Variants in CNTNAP2 observed in about 807,000 individuals in gnomAD.
CNTNAP2 encodes contactin-associated protein-like 2.
In CNTNAP2, 98 loss-of-function variants were observed where a neutral mutation model predicts 155.2. The ratio of observed to expected loss-of-function variants is 0.63; its 90% confidence interval spans 0.54 to 0.75. CNTNAP2 has a LOEUF of 0.75. Among genes scored for constraint, CNTNAP2 ranks in the 30% least tolerant of loss-of-function variants. The pLI, the probability that CNTNAP2 is intolerant of heterozygous loss-of-function variation, is 0.00. For synonymous variants in CNTNAP2, 651 were observed against 631.2 expected (o/e 1.03, Z -0.47); for missense variants, 1,727 against 1,688.1 (o/e 1.02, Z -0.40).
chr7:148,326,312 C>A (rs1467927378), intron 21 of CNTNAP2, among the ~76,000 whole-genome samples: 1 of 152,168 alleles, frequency 6.6e-6, no homozygotes, highest in Non-Finnish European at 1.5e-5. Context: ...ATCTTAGAGT[C>A]TGGCCTCTCG....
rs369280917 is a variant in CNTNAP2 at position 146,833,717 on chromosome 7, T to C, written c.209-5994T>C. 1.2e-4 allele frequency among the ~76,000 whole-genome samples: 18 copies of C among 152,352 alleles called. No individual in the cohort carries two copies. In the East Asian group the frequency reaches 3.3e-3, roughly 28 times the overall value. On this transcript the variant is annotated intron_variant, in intron 2 of 23. Transcript: ENST00000361727. ...GTTTGCAACCTTAAAGCAAGCTTTC[T>C]GTAGCTGATACACACAGGGAACTTA...
intron 12 of CNTNAP2, among the ~76,000 whole-genome samples, chr7:147,588,601 G>T (rs553422724): frequency 1.1e-4 from 16 of 152,086 alleles, no homozygotes; most frequent in Middle Eastern, 3.4e-3. Context: ...TCTCTATATT[G>T]ATATAATAAT....
intron 3 of CNTNAP2, among the ~76,000 whole-genome samples, chr7:146,939,081 C>A (rs1796990189): frequency 6.6e-6 from 1 of 151,896 alleles, no homozygotes; most frequent in Admixed American, 6.6e-5. Context: ...TCACTGCCAA[C>A]CCAGGAAAAA....
chr7:147,253,631 A>G (rs149663340), intron 8 of CNTNAP2, among the ~76,000 whole-genome samples: 1 of 152,286 alleles, frequency 6.6e-6, no homozygotes, highest in African/African-American at 2.4e-5. Flanking sequence ...AACCGCTGTG[A>G]GCAAAACTGT....
intron 1 of CNTNAP2, among the ~76,000 whole-genome samples, chr7:146,759,130 A>C (rs1164646892): frequency 6.6e-6 from 1 of 152,152 alleles, no homozygotes; most frequent in Non-Finnish European, 1.5e-5. Context: ...TTTTATTTAG[A>C]AATTAAACAT....
At chr7:147,362,515 A>G (rs1330920149) in intron 9 of CNTNAP2, among the ~76,000 whole-genome samples, 1 of 152,234 alleles carries the variant, frequency 6.6e-6, no homozygotes, top group Non-Finnish European at 1.5e-5. Context: ...CACAGTAATC[A>G]TAAACATTCT....
At chr7:147,132,658 C>A in intron 8 of CNTNAP2, 149 bp downstream of exon 8, 1 of 1,106,706 alleles carries the variant, frequency 9.0e-7, no homozygotes, top group Non-Finnish European at 1.3e-6. Flanking sequence ...GTAGTGTGTG[C>A]TGATTGAATA....
chr7:148,207,929 C>CA (rs989994576), intron 18 of CNTNAP2, among the ~76,000 whole-genome samples: 30 of 150,992 alleles, frequency 2.0e-4, no homozygotes, highest in Non-Finnish European at 3.7e-4. Flanking sequence ...ACTAAAAATA[C>CA]AAAAAAAAAT....
At chr7:146,154,872 A>C (rs1341814191) in intron 1 of CNTNAP2, among the ~76,000 whole-genome samples, 1 of 152,192 alleles carries the variant, frequency 6.6e-6, no homozygotes, top group Non-Finnish European at 1.5e-5. Flanking sequence ...GCCAAAACAG[A>C]GAGTTTTATA....
At chr7:146,864,821 G>GCAAAA (rs1795169582) in intron 3 of CNTNAP2, among the ~76,000 whole-genome samples, 1 of 70,386 alleles carries the variant, frequency 1.4e-5, no homozygotes, top group Non-Finnish European at 2.6e-5. Flanking sequence ...ACCAAACAAA[G>GCAAAA]CAAAACAAAA....
At chr7:146,723,485 A>G (rs1801375045) in intron 1 of CNTNAP2, among the ~76,000 whole-genome samples, 1 of 152,212 alleles carries the variant, frequency 6.6e-6, no homozygotes, top group African/African-American at 2.4e-5. Flanking sequence ...TACTAAAATT[A>G]TACCTATCAC....
chr7:148,358,270 A>C (rs1037001936), intron 21 of CNTNAP2, among the ~76,000 whole-genome samples: 2 of 152,172 alleles, frequency 1.3e-5, no homozygotes, highest in Non-Finnish European at 2.9e-5. Flanking sequence ...TAGTCACTGA[A>C]GCAGAATGAG....
rs151179777 is a variant in CNTNAP2 at position 146,688,353 on chromosome 7, A to C, written c.98-85918A>C. Among the ~76,000 whole-genome samples, 714 of 152,252 alleles carry C rather than the reference A, an allele frequency of 4.7e-3. 2 individuals carry two copies. Among genetic ancestry groups the C allele is most frequent in the Middle Eastern group, 0.014 (4 of 294 alleles). ...ACATACTGTTATGCGCATCCATGTG[A>C]AGCGACCACCACACAGGCTTTGTGT... On this transcript the variant is annotated intron_variant, in intron 1 of 23. Transcript: ENST00000361727.
intron 9 of CNTNAP2, among the ~76,000 whole-genome samples, chr7:147,377,844 G>T (rs1796463983): frequency 6.6e-6 from 1 of 151,736 alleles, no homozygotes; most frequent in Non-Finnish European, 1.5e-5. Flanking sequence ...CTACTTTTAT[G>T]TTCCGTGGTA....
At chr7:146,133,337 T>G (rs911471305) in intron 1 of CNTNAP2, among the ~76,000 whole-genome samples, 3 of 152,038 alleles carry the variant, frequency 2.0e-5, no homozygotes, top group East Asian at 3.9e-4. Context: ...GAGTAGGTTG[T>G]GAAAATTTTC....
At chr7:147,237,860 G>A (rs1412583171) in intron 8 of CNTNAP2, among the ~76,000 whole-genome samples, 2 of 152,064 alleles carry the variant, frequency 1.3e-5, no homozygotes, top group African/African-American at 4.8e-5. Context: ...AACAGTCCTG[G>A]AAAAACATTT....
At chr7:147,715,829 G>T (rs186457505) in intron 13 of CNTNAP2, among the ~76,000 whole-genome samples, 32 of 152,140 alleles carry the variant, frequency 2.1e-4, no homozygotes, top group African/African-American at 7.7e-4. Context: ...AGTTTTGTAA[G>T]CTGCGCACTT....
intron 9 of CNTNAP2, among the ~76,000 whole-genome samples, chr7:147,310,587 G>A (rs1584863349): frequency 1.3e-5 from 2 of 152,160 alleles, no homozygotes; most frequent in Admixed American, 6.5e-5. Context: ...TATATCTGGT[G>A]CAAATATGTG....
chr7:146,942,400 G>A (rs779481753), intron 3 of CNTNAP2, among the ~76,000 whole-genome samples: 5 of 152,076 alleles, frequency 3.3e-5, no homozygotes, highest in Non-Finnish European at 5.9e-5. Context: ...TACAGTTATT[G>A]AAATATATAA....
Sources: allele counts gnomAD v4.1 joint callset (sites outside exome capture counted in the v4.1 genomes callset), GRCh38; gene constraint gnomAD v4.1.1; transcripts MANE v1.5; gene names NCBI Gene and HGNC (gene_info 2026-07-23, HGNC 2026-07-21).